PPP3R1: variants seen among roughly 807,000 people sequenced by gnomAD.
The protein encoded by PPP3R1 is protein phosphatase 3 regulatory subunit B, alpha.
Under a neutral mutation model 22.6 loss-of-function variants are expected in PPP3R1, and 5 were observed. The ratio of observed to expected loss-of-function variants is 0.22; its 90% CI spans 0.12 to 0.46. The LOEUF is 0.46. Among genes scored for constraint, PPP3R1 ranks in the 20% least tolerant of loss-of-function variants. The pLI, the probability that PPP3R1 is intolerant of heterozygous loss-of-function variation, is 0.99. For missense variants in PPP3R1, 61 were observed against 203.2 expected, an observed-to-expected ratio of 0.30 and a Z score of 4.25; for synonymous variants, 56 against 65.2, an observed-to-expected ratio of 0.86 and a Z score of 0.68.
At chr2:68,245,244 C>G (rs1341491456) in intron 1 of PPP3R1, among the ~76,000 whole-genome samples, 1 of 152,122 alleles carries the variant, frequency 6.6e-6, no homozygotes, top group East Asian at 1.9e-4. Context: ...CACCTGTAGT[C>G]TCAGCTACTT....
chr2:68,195,871 C>A (rs79884561), intron 2 of PPP3R1, among the ~76,000 whole-genome samples: 11,436 of 151,488 alleles, frequency 0.075, 611 homozygotes, highest in Non-Finnish European at 0.11. Context: ...GGCTCCTATG[C>A]GGCCTTTCCA....
At chr2:68,219,204 T>A (rs971611257) in intron 1 of PPP3R1, among the ~76,000 whole-genome samples, 1 of 152,158 alleles carries the variant, frequency 6.6e-6, no homozygotes, top group African/African-American at 2.4e-5. Context: ...ACCATCTCTA[T>A]CCTACACTCC....
Position 68,247,827 on chromosome 2 carries a change from ACTAT to A in PPP3R1, c.3+4294_3+4297del, listed in dbSNP as rs550987118. ...TAAATGTATCTCCTGTAGGATCCCT[ACTAT>A]CTATCTGCATTGTTACTGTATTCTT... On this transcript the variant is annotated intron_variant, in intron 1 of 5. Transcript: ENST00000234310. 1.6e-3 allele frequency among the ~76,000 whole-genome samples: 246 copies of A among 152,260 alleles called. 1 individual carries two copies. The highest frequency in any genetic ancestry group is 5.3e-3 in the African/African-American group (222 of 41,538).
At chr2:68,219,367 A>C (rs762195988) in intron 1 of PPP3R1, among the ~76,000 whole-genome samples, 29 of 152,212 alleles carry the variant, frequency 1.9e-4, no homozygotes, top group Non-Finnish European at 3.7e-4. Context: ...TTCCACGTTC[A>C]GTCTTCCTCA....
intron 3 of PPP3R1, 42 bp downstream of exon 3, chr2:68,188,472 G>A: frequency 1.4e-6 from 2 of 1,443,512 alleles, no homozygotes; most frequent in African/African-American, 2.9e-5. Flanking sequence ...AATACAAATA[G>A]GTTAGATAAC....
chr2:68,211,032 T>C (rs528517251), intron 2 of PPP3R1, among the ~76,000 whole-genome samples: 3 of 152,270 alleles, frequency 2.0e-5, no homozygotes, highest in Non-Finnish European at 2.9e-5. Flanking sequence ...CATATAAAAG[T>C]TATATTTACG....
chr2:68,231,649 TG>T (rs1184003277), intron 1 of PPP3R1, among the ~76,000 whole-genome samples: 2 of 152,204 alleles, frequency 1.3e-5, no homozygotes, highest in African/African-American at 4.8e-5. Context: ...GTGTAGTTAT[TG>T]GTTGAGATTT....
At chr2:68,237,764 G>C (rs1232268475) in intron 1 of PPP3R1, among the ~76,000 whole-genome samples, 1 of 151,958 alleles carries the variant, frequency 6.6e-6, no homozygotes, top group African/African-American at 2.4e-5. Flanking sequence ...GATATATCTA[G>C]TAAGTGAACA....
chr2:68,220,618 C>T (rs544943549), intron 1 of PPP3R1, among the ~76,000 whole-genome samples: 4 of 152,260 alleles, frequency 2.6e-5, no homozygotes, highest in South Asian at 2.1e-4. Context: ...CAAACTCTTA[C>T]GTTCTTTAAA....
intron 2 of PPP3R1, among the ~76,000 whole-genome samples, chr2:68,214,526 A>G (rs1001854967): frequency 3.9e-5 from 6 of 152,224 alleles, no homozygotes; most frequent in African/African-American, 1.4e-4. Flanking sequence ...TCATATGAAA[A>G]AAATTCTCAA....
chr2:68,243,717 A>C (rs1670176071), intron 1 of PPP3R1, among the ~76,000 whole-genome samples: 1 of 152,172 alleles, frequency 6.6e-6, no homozygotes, highest in South Asian at 2.1e-4. Flanking sequence ...AATTAGATTT[A>C]TCAATTATTT....
chr2:68,212,717 T>A (rs544602809), intron 2 of PPP3R1, among the ~76,000 whole-genome samples: 6 of 152,362 alleles, frequency 3.9e-5, no homozygotes, highest in Admixed American at 3.9e-4. Flanking sequence ...ATTTAGGCTT[T>A]GTTGTTCCAT....
chr2:68,247,583 C>T (rs1264301441), intron 1 of PPP3R1, among the ~76,000 whole-genome samples: 1 of 152,186 alleles, frequency 6.6e-6, no homozygotes, highest in Non-Finnish European at 1.5e-5. Flanking sequence ...ATAATAGAAG[C>T]CTAGAGATGA....
At chr2:68,184,751 G>A (rs1220480849) in intron 5 of PPP3R1, among the ~76,000 whole-genome samples, 2 of 152,044 alleles carry the variant, frequency 1.3e-5, no homozygotes, top group Admixed American at 6.6e-5. Context: ...TTCTCCACTC[G>A]TAAACTATGC....
At chr2:68,204,353 G>GATATATATATATATTCTGAT (rs1491437318) in intron 2 of PPP3R1, among the ~76,000 whole-genome samples, 9 of 148,340 alleles carry the variant, frequency 6.1e-5, no homozygotes, top group South Asian at 2.1e-4. Context: ...TATATATTCT[G>GATATATATATATATTCTGAT]ATATATATAT....
intron 4 of PPP3R1, 29 bp from the exon 5 acceptor site, chr2:68,186,681 A>C (rs1159919071): frequency 1.9e-6 from 3 of 1,541,746 alleles, no homozygotes; most frequent in South Asian, 1.2e-5. Context: ...AATCAATTCC[A>C]ATTACAAAGC....
intron 2 of PPP3R1, among the ~76,000 whole-genome samples, chr2:68,200,297 T>A (rs2103743754): frequency 6.6e-6 from 1 of 152,264 alleles, no homozygotes. Flanking sequence ...GTTTTCTAGA[T>A]TGCTCCTTCA....
At chr2:68,250,790 C>T (rs950276401) in intron 1 of PPP3R1, among the ~76,000 whole-genome samples, 1 of 151,958 alleles carries the variant, frequency 6.6e-6, no homozygotes, top group African/African-American at 2.4e-5. Flanking sequence ...TACTCATTTG[C>T]CCTATATTTT....
Position 68,252,389 on chromosome 2 carries a change from G to C in PPP3R1, c.-262C>G. ...GAGAGCGCGGGAGGAGCAGCGGCGA[G>C]AGGCAGGAGAGGCAGAGAAGAAGAA... On this transcript the variant is annotated 5_prime_UTR_variant, in exon 1 of 6. Transcript: ENST00000234310. 1.5e-5 allele frequency: 15 copies of C among 1,001,794 alleles called. No homozygotes were observed. Among genetic ancestry groups the C allele is most frequent in the Non-Finnish European group, 1.8e-5 (15 of 841,814 alleles). The allele number at this position is 1,001,794 out of a possible 1,614,324, so 62.1% of individuals were successfully genotyped here.
Sources: gnomAD v4.1 joint callset for allele counts (sites outside exome capture counted in the v4.1 genomes callset) on GRCh38, gnomAD v4.1.1 for gene constraint, MANE v1.5 for transcripts, NCBI Gene and HGNC (gene_info 2026-07-23, HGNC 2026-07-21) for gene names.